CLSTN2: variants seen among roughly 807,000 people sequenced by gnomAD.
CLSTN2 encodes the protein calsyntenin-2.
A neutral mutation model predicts 101.2 loss-of-function variants in CLSTN2; 48 were observed. That is an observed-to-expected ratio of 0.47 (90% CI 0.38 to 0.60). The LOEUF is 0.60. CLSTN2 is among the 20% of genes least tolerant of loss of function. CLSTN2 has a pLI of 0.00. For missense variants in CLSTN2, 1,160 were observed against 1,238.2 expected, an observed-to-expected ratio of 0.94 and a Z score of 0.95; for synonymous variants, 481 against 463.6, an observed-to-expected ratio of 1.04 and a Z score of -0.48.
chr3:140,564,793 T>C (rs1935997120), intron 16 of CLSTN2, among the ~76,000 whole-genome samples: 1 of 152,230 alleles, frequency 6.6e-6, no homozygotes, highest in South Asian at 2.1e-4. Context: ...GTTATCTGAT[T>C]CTGAAGTCTG....
At chr3:140,418,446 T>G (rs1202048469) in intron 4 of CLSTN2, among the ~76,000 whole-genome samples, 2 of 152,146 alleles carry the variant, frequency 1.3e-5, no homozygotes, top group Non-Finnish European at 2.9e-5. Flanking sequence ...TGAAGCTGTA[T>G]TGTTAGAAGT....
chr3:139,983,344 C>CTTA (rs1275076682), intron 1 of CLSTN2, among the ~76,000 whole-genome samples: 2 of 152,096 alleles, frequency 1.3e-5, no homozygotes, highest in Non-Finnish European at 2.9e-5. Context: ...ACATTAAAAT[C>CTTA]TTAATTAGAA....
At chr3:140,285,545 A>G (rs772935770) in intron 2 of CLSTN2, among the ~76,000 whole-genome samples, 1 of 152,168 alleles carries the variant, frequency 6.6e-6, no homozygotes, top group Non-Finnish European at 1.5e-5. Flanking sequence ...GCTGGCAGCA[A>G]CAGGTGTCAC....
At chr3:140,042,345 C>T (rs1047565511) in intron 1 of CLSTN2, among the ~76,000 whole-genome samples, 8 of 152,168 alleles carry the variant, frequency 5.3e-5, no homozygotes, top group Non-Finnish European at 1.0e-4. Flanking sequence ...GCTTTTGTGT[C>T]TGACTTTTTT....
chr3:140,297,733 A>G lies in CLSTN2; in HGVS notation c.233-105896A>G, dbSNP rs142336933. 3.8e-3 allele frequency among the ~76,000 whole-genome samples: 579 copies of G among 152,300 alleles called. 5 individuals are homozygous for G. The highest frequency in any genetic ancestry group is 0.013 in the African/African-American group (558 of 41,560). ...CATACAGCACTGTGACCAGTGAACAAATTAGGAAACCAAGGCTCAGGGAAG... is the reference window on the plus strand; with the variant it reads ...CATACAGCACTGTGACCAGTGAACAGATTAGGAAACCAAGGCTCAGGGAAG... On this transcript the variant is annotated intron_variant, in intron 2 of 16. Coordinates refer to ENST00000458420, the MANE Select transcript of CLSTN2 (RefSeq NM_022131.3).
At chr3:140,151,519 G>C (rs753169173) in intron 1 of CLSTN2, among the ~76,000 whole-genome samples, 2 of 152,038 alleles carry the variant, frequency 1.3e-5, no homozygotes, top group South Asian at 4.2e-4. Flanking sequence ...ACGGGGTGAC[G>C]GGAGTTGCTG....
chr3:140,168,694 G>C (rs2010169675), intron 1 of CLSTN2, among the ~76,000 whole-genome samples: 1 of 151,954 alleles, frequency 6.6e-6, no homozygotes, highest in African/African-American at 2.4e-5. Context: ...AATACAACTG[G>C]AGTTTATTTT....
intron 2 of CLSTN2, among the ~76,000 whole-genome samples, chr3:140,354,927 G>A (rs2087652560): frequency 6.6e-6 from 1 of 152,168 alleles, no homozygotes; most frequent in Non-Finnish European, 1.5e-5. Context: ...CTAGTTGTCA[G>A]ACACTCTTCA....
At chr3:140,500,329 G>A (rs1934552954) in intron 8 of CLSTN2, among the ~76,000 whole-genome samples, 1 of 152,112 alleles carries the variant, frequency 6.6e-6, no homozygotes. Context: ...GTAATATATA[G>A]GACCCAGAAA....
intron 2 of CLSTN2, among the ~76,000 whole-genome samples, chr3:140,201,492 C>G (rs2010716895): frequency 6.6e-6 from 1 of 151,912 alleles, no homozygotes; most frequent in Non-Finnish European, 1.5e-5. Flanking sequence ...TAATGGAGAG[C>G]CAGGAAGGGT....
intron 1 of CLSTN2, among the ~76,000 whole-genome samples, chr3:140,143,878 G>A (rs889671981): frequency 6.6e-6 from 1 of 152,252 alleles, no homozygotes; most frequent in South Asian, 2.1e-4. Flanking sequence ...CACTCACAAA[G>A]TGCCTTTGTG....
At chr3:140,140,103 T>C (rs975753386) in intron 1 of CLSTN2, among the ~76,000 whole-genome samples, 1 of 152,336 alleles carries the variant, frequency 6.6e-6, no homozygotes, top group Non-Finnish European at 1.5e-5. Flanking sequence ...GAAAGGCAGA[T>C]AATGTGCATT....
chr3:140,516,677 T>C (rs1245733126), intron 8 of CLSTN2, among the ~76,000 whole-genome samples: 2 of 152,140 alleles, frequency 1.3e-5, no homozygotes, highest in African/African-American at 4.8e-5. Context: ...AGGGCCCCAA[T>C]CCCTTCCAGC....
chr3:140,487,427 A>G (rs1396969532), intron 8 of CLSTN2, among the ~76,000 whole-genome samples: 1 of 152,218 alleles, frequency 6.6e-6, no homozygotes, highest in Non-Finnish European at 1.5e-5. Context: ...TAATCTTCTA[A>G]GCTAATTAAA....
rs143908549 is a variant in CLSTN2 at position 140,191,553 on chromosome 3, A to G, written c.232+15480A>G. 4.4e-3 allele frequency among the ~76,000 whole-genome samples: 675 copies of G among 152,064 alleles called. 1 individual carries two copies. Among genetic ancestry groups the G allele is most frequent in the Non-Finnish European group, 7.1e-3 (480 of 67,838 alleles). ...ACAGTGCTTTTAGGGGAGTTTTTAAATTATGAATTCAATTTCGTTCATAGT... is the reference window on the plus strand; with the variant it reads ...ACAGTGCTTTTAGGGGAGTTTTTAAGTTATGAATTCAATTTCGTTCATAGT... On this transcript the variant is annotated intron_variant, in intron 2 of 16. Transcript: ENST00000458420.
intron 2 of CLSTN2, among the ~76,000 whole-genome samples, chr3:140,237,906 C>T (rs2086430667): frequency 6.6e-6 from 1 of 152,154 alleles, no homozygotes; most frequent in Admixed American, 6.6e-5. Flanking sequence ...TTAACAATTA[C>T]TCAGTAATTT....
At chr3:140,017,122 A>G (rs2007218359) in intron 1 of CLSTN2, among the ~76,000 whole-genome samples, 1 of 152,030 alleles carries the variant, frequency 6.6e-6, no homozygotes, top group African/African-American at 2.4e-5. Flanking sequence ...GGTCCCATGT[A>G]GTTGTGTGGC....
chr3:140,193,760 C>A (rs2010606023), intron 2 of CLSTN2, among the ~76,000 whole-genome samples: 1 of 151,926 alleles, frequency 6.6e-6, no homozygotes, highest in Admixed American at 6.6e-5. Context: ...ATTTAGGATT[C>A]CAATGCCATG....
intron 1 of CLSTN2, among the ~76,000 whole-genome samples, chr3:140,054,673 T>C (rs1004457424): frequency 1.3e-5 from 2 of 152,194 alleles, no homozygotes; most frequent in African/African-American, 4.8e-5. Context: ...GTGGGCCATG[T>C]ATAGGACAAG....
Sources: gnomAD v4.1 joint callset for allele counts (sites outside exome capture counted in the v4.1 genomes callset) on GRCh38, gnomAD v4.1.1 for gene constraint, MANE v1.5 for transcripts, NCBI Gene and HGNC (gene_info 2026-07-23, HGNC 2026-07-21) for gene names.